NLGN1: variants seen among roughly 807,000 people sequenced by gnomAD.
NLGN1 encodes the protein neuroligin 1, also known as neuroligin-1.
A neutral mutation model predicts 65.5 loss-of-function variants in NLGN1; 12 were observed. The ratio of observed to expected loss-of-function variants is 0.18; its 90% confidence interval spans 0.12 to 0.30. The LOEUF (loss-of-function observed/expected upper bound fraction) is 0.30, where lower values mean the gene tolerates loss of function less well. Ranked by LOEUF, NLGN1 falls within the 10% of genes least tolerant of loss-of-function variation. The probability of loss-of-function intolerance (pLI) is 1.00; values close to 1 mark genes in which losing one functional copy is unlikely to be tolerated. For missense variants in NLGN1, 750 were observed against 1,007.1 expected, an observed-to-expected ratio of 0.74 and a Z score of 3.46; for synonymous variants, 350 against 359.5, an observed-to-expected ratio of 0.97 and a Z score of 0.30.
At chr3:173,774,091 G>A (rs1287303337) in intron 3 of NLGN1, among the ~76,000 whole-genome samples, 2 of 152,186 alleles carry the variant, frequency 1.3e-5, no homozygotes, top group Non-Finnish European at 2.9e-5. Flanking sequence ...GGCCACAGTG[G>A]AGTCTGTTTT....
chr3:173,503,137 A>G (rs1456898925), intron 2 of NLGN1, among the ~76,000 whole-genome samples: 1 of 151,904 alleles, frequency 6.6e-6, no homozygotes, highest in Non-Finnish European at 1.5e-5. Context: ...ATAAACTAAC[A>G]CTTAAGGATA....
intron 4 of NLGN1, among the ~76,000 whole-genome samples, chr3:173,835,599 A>ACACACG (rs1723489485): frequency 6.6e-6 from 1 of 151,878 alleles, no homozygotes; most frequent in African/African-American, 2.4e-5. Flanking sequence ...ACACACACAC[A>ACACACG]CACACACACA....
chr3:173,706,038 GAT>G lies in NLGN1; in HGVS notation c.493+100948_493+100949del, dbSNP rs1767995442. 2.0e-5 allele frequency among the ~76,000 whole-genome samples: 3 copies of G among 152,120 alleles called. No homozygotes were observed. The South Asian group carries it at 6.2e-4, about 31-fold the overall frequency. ...ACTAAATAATAATTAAACTTCAAAT[GAT>G]TAAACTTTAAATAAGTAAAAGAGAA... On this transcript the variant is annotated intron_variant, in intron 3 of 6. Coordinates refer to ENST00000457714, the Ensembl canonical transcript of NLGN1.
At chr3:174,196,929 C>A (rs916280013) in intron 4 of NLGN1, among the ~76,000 whole-genome samples, 1 of 152,186 alleles carries the variant, frequency 6.6e-6, no homozygotes, top group Non-Finnish European at 1.5e-5. Context: ...GGCCTTTCAG[C>A]TTGCAGTGGT....
chr3:173,851,598 C>T (rs971933783), intron 4 of NLGN1, among the ~76,000 whole-genome samples: 1 of 152,132 alleles, frequency 6.6e-6, no homozygotes, highest in African/African-American at 2.4e-5. Context: ...TTATCCCCTT[C>T]TTTCTATATT....
At chr3:174,211,994 C>T (rs1216730629) in intron 4 of NLGN1, among the ~76,000 whole-genome samples, 2 of 152,160 alleles carry the variant, frequency 1.3e-5, no homozygotes, top group African/African-American at 2.4e-5. Flanking sequence ...CTTGGGTGGT[C>T]GATGGGACTG....
intron 3 of NLGN1, among the ~76,000 whole-genome samples, chr3:173,722,480 T>C (rs1311012045): frequency 6.6e-6 from 1 of 152,060 alleles, no homozygotes; most frequent in Non-Finnish European, 1.5e-5. Flanking sequence ...CACCTCGTGA[T>C]GTGCCCGCCT....
chr3:174,242,775 A>T (rs755375880), intron 4 of NLGN1, among the ~76,000 whole-genome samples: 1 of 152,182 alleles, frequency 6.6e-6, no homozygotes, highest in Non-Finnish European at 1.5e-5. Flanking sequence ...AATAAATGCA[A>T]TGCACTTGAA....
chr3:173,676,870 G>T (rs1763245310), intron 3 of NLGN1, among the ~76,000 whole-genome samples: 1 of 151,992 alleles, frequency 6.6e-6, no homozygotes, highest in African/African-American at 2.4e-5. Flanking sequence ...TTTTGTTTGT[G>T]TCTCTCTTCT....
chr3:173,930,971 G>A (rs1743980442), intron 4 of NLGN1, among the ~76,000 whole-genome samples: 1 of 152,186 alleles, frequency 6.6e-6, no homozygotes, highest in Non-Finnish European at 1.5e-5. Context: ...TAAGAAAAGA[G>A]AGTGTGTGTA....
intron 2 of NLGN1, among the ~76,000 whole-genome samples, chr3:173,460,609 T>A (rs1259671207): frequency 1.3e-5 from 2 of 152,122 alleles, no homozygotes; most frequent in Non-Finnish European, 2.9e-5. Flanking sequence ...GAAGTACCAA[T>A]CACTAGAAGC....
At chr3:173,608,347 A>C (rs2149460186) in intron 3 of NLGN1, among the ~76,000 whole-genome samples, 1 of 152,036 alleles carries the variant, frequency 6.6e-6, no homozygotes, top group East Asian at 1.9e-4. Flanking sequence ...TACAAAATGG[A>C]AAAGAAGAAT....
At chr3:173,862,709 T>G (rs2150814694) in intron 4 of NLGN1, among the ~76,000 whole-genome samples, 1 of 152,228 alleles carries the variant, frequency 6.6e-6, no homozygotes, top group Admixed American at 6.5e-5. Flanking sequence ...TTGTATTGTT[T>G]ATATAAATTT....
intron 3 of NLGN1, among the ~76,000 whole-genome samples, chr3:173,776,872 T>C (rs1387495656): frequency 2.0e-5 from 3 of 151,936 alleles, no homozygotes; most frequent in Admixed American, 2.0e-4. Context: ...TGATCTTTCA[T>C]AGGAAAAAGT....
chr3:173,563,216 G>A (rs549896986), intron 2 of NLGN1, among the ~76,000 whole-genome samples: 3 of 152,316 alleles, frequency 2.0e-5, no homozygotes, highest in South Asian at 2.1e-4. Context: ...TACAGCCATC[G>A]AATATTGAAT....
intron 4 of NLGN1, among the ~76,000 whole-genome samples, chr3:173,940,156 T>A (rs1255578948): frequency 1.4e-5 from 2 of 141,044 alleles, no homozygotes; most frequent in African/African-American, 5.3e-5. Flanking sequence ...TGGCACGATC[T>A]CTGCTCACTG....
intron 3 of NLGN1, among the ~76,000 whole-genome samples, chr3:173,615,218 T>C (rs1752878449): frequency 6.6e-6 from 1 of 152,078 alleles, no homozygotes; most frequent in Non-Finnish European, 1.5e-5. Context: ...AATTGATTGA[T>C]TGATTGTTAT....
intron 1 of NLGN1, among the ~76,000 whole-genome samples, chr3:173,422,146 T>TATACACACACACACACAC (rs398063034): frequency 7.7e-6 from 1 of 130,234 alleles, no homozygotes; most frequent in African/African-American, 2.8e-5. Context: ...ACACTATATA[T>TATACACACACACACACAC]ACACACACAC....
At chr3:173,419,972 A>AAAAATAAAT (rs1714671423) in intron 1 of NLGN1, among the ~76,000 whole-genome samples, 7 of 142,648 alleles carry the variant, frequency 4.9e-5, no homozygotes, top group African/African-American at 1.6e-4. Context: ...ACTCAGTCTC[A>AAAAATAAAT]AAAATAAAAT....
Sources: allele counts gnomAD v4.1 joint callset (sites outside exome capture counted in the v4.1 genomes callset), GRCh38; gene constraint gnomAD v4.1.1; transcripts MANE v1.5; gene names NCBI Gene and HGNC (gene_info 2026-07-23, HGNC 2026-07-21).